Variants in PPP1R17 observed in about 807,000 individuals in gnomAD.
PPP1R17 encodes protein phosphatase 1 regulatory subunit 17, also known as G-substrate.
PPP1R17 carries 12 observed loss-of-function variants against 15.9 expected under a neutral mutation model. The observed-to-expected ratio is 0.75, with a 90% CI of 0.48 to 1.22. The LOEUF (loss-of-function observed/expected upper bound fraction) is 1.22, where lower values mean the gene tolerates loss of function less well. Ranked by LOEUF, PPP1R17 falls within the 50% of genes most tolerant of loss-of-function variation. PPP1R17 has a pLI of 0.00. For synonymous variants in PPP1R17, 63 were observed against 64.5 expected, an observed-to-expected ratio of 0.98 and a Z score of 0.11; for missense variants, 211 against 187.3, an observed-to-expected ratio of 1.13 and a Z score of -0.74.
At chr7:31,706,401 T>C (rs1003485958) in intron 4 of PPP1R17, among the ~76,000 whole-genome samples, 9 of 152,224 alleles carry the variant, frequency 5.9e-5, no homozygotes, top group Admixed American at 4.6e-4. Flanking sequence ...CCTTCTAACA[T>C]CTCTAAAATT....
chr7:31,694,270 G>C (rs929334403), intron 2 of PPP1R17, among the ~76,000 whole-genome samples: 1 of 152,086 alleles, frequency 6.6e-6, no homozygotes, highest in Non-Finnish European at 1.5e-5. Flanking sequence ...CCTAAGTTTA[G>C]TGGAAGGTTA....
rs1474986605 is a variant in PPP1R17 at position 31,707,418 on chromosome 7, G to T, written c.*135G>T. On this transcript the variant is annotated 3_prime_UTR_variant, in exon 5 of 5. Coordinates refer to ENST00000342032, the MANE Select transcript of PPP1R17 (RefSeq NM_006658.5). ...AGATTCAGACACCTTCTCCCCAGGA[G>T]ATGTATGCCATCAAATTGCCAGTCA... is the stretch of plus-strand genomic sequence containing the variant. The T allele has an allele frequency of 3.0e-6, 2 of 664,836 alleles. No homozygotes were observed. Among genetic ancestry groups the T allele is most frequent in the African/African-American group, 3.7e-5 (2 of 54,408 alleles). 41.2% of individuals were successfully genotyped at this position (664,836 alleles called of 1,614,324 possible).
chr7:31,694,536 T>C (rs900331691), intron 2 of PPP1R17, among the ~76,000 whole-genome samples: 5 of 152,178 alleles, frequency 3.3e-5, no homozygotes, highest in African/African-American at 1.2e-4. Context: ...TCAGATCAGC[T>C]TGACTCCATT....
At chr7:31,701,911 C>A (rs1440621179) in intron 4 of PPP1R17, among the ~76,000 whole-genome samples, 1 of 152,166 alleles carries the variant, frequency 6.6e-6, no homozygotes, top group Non-Finnish European at 1.5e-5. Context: ...CTTTTATGTG[C>A]AATGGGAAAC....
rs1792618402 is a variant in PPP1R17, at chr7:31,697,102, T to TC, written c.378dup (p.Phe127LeufsTer20). ...AAAAGACACACCTGCCCTGCACATG[T>TC]CCCCCTTTGCAGCAGGTAAAAAAGC... On this transcript the variant is annotated frameshift_variant, in exon 4 of 5. Coordinates refer to ENST00000342032, the MANE Select transcript of PPP1R17 (RefSeq NM_006658.5). LOFTEE classifies it high-confidence loss of function. The TC allele has an allele frequency of 6.2e-7, 1 of 1,613,920 alleles. No individual in the cohort carries two copies. The highest frequency in any genetic ancestry group is 8.5e-7 in the Non-Finnish European group (1 of 1,179,914).
intron 2 of PPP1R17, among the ~76,000 whole-genome samples, chr7:31,694,387 A>AACACACACGCACACACACACAC (rs1792484670): frequency 7.1e-6 from 1 of 141,600 alleles, no homozygotes; most frequent in Non-Finnish European, 1.5e-5. Context: ...CTCTCTCTCA[A>AACACACACGCACACACACACAC]ACACACACAC....
chr7:31,695,362 C>T, intron 2 of PPP1R17, 107 bp from the exon 3 acceptor site: 2 of 1,010,512 alleles, frequency 2.0e-6, no homozygotes, highest in Non-Finnish European at 2.8e-6. Context: ...CTTTTCAGGC[C>T]AAATCACCTC....
At chr7:31,706,282 G>A (rs1309485567) in intron 4 of PPP1R17, among the ~76,000 whole-genome samples, 1 of 151,878 alleles carries the variant, frequency 6.6e-6, no homozygotes, top group Non-Finnish European at 1.5e-5. Flanking sequence ...TGGGATTATA[G>A]GCATGAGCCA....
chr7:31,700,612 A>G (rs1190345613), intron 4 of PPP1R17, among the ~76,000 whole-genome samples: 1 of 152,188 alleles, frequency 6.6e-6, no homozygotes, highest in Non-Finnish European at 1.5e-5. Flanking sequence ...ACAGCCTTCT[A>G]TTGGAACAAG....
At chr7:31,691,797 T>TAAAAAAAAAAAAAAAA (rs377169335) in intron 1 of PPP1R17, among the ~76,000 whole-genome samples, 15 of 86,538 alleles carry the variant, frequency 1.7e-4, no homozygotes, top group Non-Finnish European at 1.8e-4. Flanking sequence ...ATGTAATGAT[T>TAAAAAAAAAAAAAAAA]AAAAAAAAAA....
rs1243269258 is a variant in PPP1R17 at position 31,701,110 on chromosome 7, T to A, written c.388+3993T>A. Among the ~76,000 whole-genome samples, 3 of 152,284 alleles carry A rather than the reference T, an allele frequency of 2.0e-5. No homozygotes were observed. In the East Asian group the frequency reaches 5.8e-4, roughly 29 times the overall value. On this transcript the variant is annotated intron_variant, in intron 4 of 4. Coordinates refer to ENST00000342032, the MANE Select transcript of PPP1R17 (RefSeq NM_006658.5). ...ATGTTTTGCAAACCTAGAGCTGCTA[T>A]AGATAGTGATCCCTCTGATGGATCT...
chr7:31,690,341 C>T (rs1792288105), intron 1 of PPP1R17, among the ~76,000 whole-genome samples: 1 of 152,142 alleles, frequency 6.6e-6, no homozygotes, highest in Non-Finnish European at 1.5e-5. Flanking sequence ...GTTACTCCAC[C>T]CAGTAGGTAT....
chr7:31,700,245 CA>C (rs1792785022), intron 4 of PPP1R17, among the ~76,000 whole-genome samples: 1 of 152,166 alleles, frequency 6.6e-6, no homozygotes, highest in African/African-American at 2.4e-5. Context: ...CTCCAGTGAA[CA>C]CAGGAATGAT....
chr7:31,696,607 T>G (rs1792594023), intron 3 of PPP1R17, among the ~76,000 whole-genome samples: 1 of 152,062 alleles, frequency 6.6e-6, no homozygotes, highest in Non-Finnish European at 1.5e-5. Context: ...AGGATGAGAT[T>G]TGGAGGCAGA....
At position 31,707,224 on chromosome 7, in the gene PPP1R17, G is replaced by C. The variant is rs375427208; in HGVS notation, c.409G>C (p.Glu137Gln). Residue 137 changes from glutamate (E) to glutamine (Q), a missense_variant, in exon 5 of 5, where the codon GAG (glutamate) becomes CAG (glutamine). Coordinates refer to ENST00000342032, the MANE Select transcript of PPP1R17 (RefSeq NM_006658.5). Reference sequence around the variant, plus strand: ...TGCAGGTGTGACATTGCTCAGGGACGAGAGACCCAAAGCAATCGTGGAAGA... The same window carrying C: ...TGCAGGTGTGACATTGCTCAGGGACCAGAGACCCAAAGCAATCGTGGAAGA... Reference protein sequence around the residue: ...FAAGVTLLRDERPKAIVEDDE... With the variant: ...FAAGVTLLRDQRPKAIVEDDE... 8 of 1,613,984 alleles carry C rather than the reference G, an allele frequency of 5.0e-6. No individual in the cohort carries two copies. In the South Asian group the frequency reaches 8.8e-5, roughly 18 times the overall value.
intron 1 of PPP1R17, among the ~76,000 whole-genome samples, chr7:31,690,264 A>G (rs1238141097): frequency 6.6e-6 from 1 of 152,246 alleles, no homozygotes; most frequent in Non-Finnish European, 1.5e-5. Context: ...CATTACATAA[A>G]AATAGCTGCC....
At position 31,692,437 on chromosome 7, in the gene PPP1R17, C is replaced by A. The variant is rs1293673511; in HGVS notation, c.-5C>A. Reference sequence around the variant, plus strand: ...AGAAGAAATACATCCACCCACCCTCCTTTGATGATGTCCACTGAGCAAATG... The same window carrying A: ...AGAAGAAATACATCCACCCACCCTCATTTGATGATGTCCACTGAGCAAATG... On this transcript the variant is annotated 5_prime_UTR_variant, in exon 2 of 5. Transcript: ENST00000342032. The A allele has an allele frequency of 1.6e-5, 26 of 1,602,950 alleles. No individual in the cohort carries two copies. Among genetic ancestry groups the A allele is most frequent in the Non-Finnish European group, 2.2e-5 (26 of 1,170,044 alleles).
chr7:31,699,312 T>C (rs996676948), intron 4 of PPP1R17, among the ~76,000 whole-genome samples: 1 of 152,134 alleles, frequency 6.6e-6, no homozygotes, highest in Admixed American at 6.5e-5. Context: ...CACTGGGACA[T>C]GAAGGGTAAT....
In PPP1R17 at chr7:31,707,950, A is replaced by G. The variant is rs1164199783; in HGVS notation, c.*667A>G. On this transcript the variant is annotated 3_prime_UTR_variant, in exon 5 of 5. Coordinates refer to ENST00000342032, the MANE Select transcript of PPP1R17 (RefSeq NM_006658.5). The stretch of plus-strand genomic sequence containing the variant: ...TGGGAAGCTTAGCAATGTATCTTCA[A>G]ATTTATTTTTGTTTTTAAAAATATT... The G allele has an allele frequency of 6.6e-6, 1 of 152,178 alleles. No individual in the cohort carries two copies. Among genetic ancestry groups the G allele is most frequent in the African/African-American group, 2.4e-5 (1 of 41,414 alleles). 9.4% of individuals were successfully genotyped at this position (152,178 alleles called of 1,614,324 possible). A position where few individuals can be genotyped will look rare whatever the true frequency, so the allele number is the denominator to read the frequency against.
Sources: allele counts gnomAD v4.1 joint callset (sites outside exome capture counted in the v4.1 genomes callset), GRCh38; gene constraint gnomAD v4.1.1; transcripts MANE v1.5; gene names NCBI Gene and HGNC (gene_info 2026-07-23, HGNC 2026-07-21).